The following PCDHA8 variants were observed in gnomAD, a reference collection of about 807,000 sequenced individuals.
PCDHA8 encodes the protein protocadherin alpha-8.
A neutral mutation model predicts 61.8 loss-of-function variants in PCDHA8; 53 were observed. The observed-to-expected ratio is 0.86, with a 90% confidence interval of 0.69 to 1.08. The LOEUF is 1.08. Ranked by LOEUF, PCDHA8 falls within the 50% of genes least tolerant of loss-of-function variation. PCDHA8 has a pLI of 0.00. For missense variants in PCDHA8, 1,293 were observed against 1,245.0 expected, an observed-to-expected ratio of 1.04 and a Z score of -0.58; for synonymous variants, 618 against 556.6, an observed-to-expected ratio of 1.11 and a Z score of -1.55.
chr5:141,004,806 T>C (rs1326385428), intron 3 of PCDHA8, among the ~76,000 whole-genome samples: 1 of 152,196 alleles, frequency 6.6e-6, no homozygotes, highest in Non-Finnish European at 1.5e-5. Flanking sequence ...CTGAGCTCAA[T>C]TGCAGATTTG....
At position 140,926,602 on chromosome 5, in the gene PCDHA8, C is replaced by T. The variant is rs1326525373; in HGVS notation, c.2395-52347C>T. 9 of 324,032 alleles carry T rather than the reference C, an allele frequency of 2.8e-5. No homozygotes were observed. The East Asian group carries it at 4.7e-4, about 17-fold the overall frequency. The allele number at this position is 324,032 out of a possible 1,614,324, so 20.1% of individuals were successfully genotyped here. On this transcript the variant is annotated intron_variant, in intron 1 of 3. Coordinates refer to ENST00000531613, the MANE Select transcript of PCDHA8 (RefSeq NM_018911.3). ...CCTCTCGCGCCCGGGCGGGCGGCCT[C>T]GTCTCTGCACCCCTAGGCGGCGCTG...
chr5:140,902,114 A>G (rs2069112413), intron 1 of PCDHA8, among the ~76,000 whole-genome samples: 1 of 151,286 alleles, frequency 6.6e-6, no homozygotes. Flanking sequence ...TTTTTTTAAA[A>G]CTGAGATTAT....
chr5:140,995,386 A>G (rs1156268381), intron 3 of PCDHA8, among the ~76,000 whole-genome samples: 1 of 152,202 alleles, frequency 6.6e-6, no homozygotes, highest in Non-Finnish European at 1.5e-5. Context: ...TGGGCAGGAT[A>G]AAGCGGGATG....
At chr5:140,986,618 C>T (rs782259734) in intron 3 of PCDHA8, among the ~76,000 whole-genome samples, 2 of 152,134 alleles carry the variant, frequency 1.3e-5, no homozygotes, top group African/African-American at 2.4e-5. Flanking sequence ...TCAGGCCTTA[C>T]CTAAGGCAAC....
intron 1 of PCDHA8, among the ~76,000 whole-genome samples, chr5:140,956,211 TCCTTG>T (rs2095268091): frequency 6.6e-6 from 1 of 152,198 alleles, no homozygotes; most frequent in Non-Finnish European, 1.5e-5. Flanking sequence ...AAAGAGGGCA[TCCTTG>T]TCTTGTGCTG....
chr5:140,858,539 T>A (rs62384480), intron 1 of PCDHA8: 78,694 of 1,399,008 alleles, frequency 0.056, 7,001 homozygotes, highest in Non-Finnish European at 0.065. Context: ...TTTGTCTACA[T>A]TCCATTTATG....
At chr5:140,941,196 TTTCTTC>T (rs1563183935) in intron 1 of PCDHA8, among the ~76,000 whole-genome samples, 3 of 111,280 alleles carry the variant, frequency 2.7e-5, no homozygotes, top group East Asian at 2.3e-4. Context: ...TTTTTTTTTC[TTTCTTC>T]CTTTCTTTCT....
At chr5:141,005,558 C>T (rs367751568) in intron 3 of PCDHA8, among the ~76,000 whole-genome samples, 1 of 151,122 alleles carries the variant, frequency 6.6e-6, no homozygotes, top group Non-Finnish European at 1.5e-5. Context: ...AAAAATTAGC[C>T]GGGCATGGTG....
chr5:141,001,867 A>C (rs2153971805), intron 3 of PCDHA8, among the ~76,000 whole-genome samples: 1 of 152,348 alleles, frequency 6.6e-6, no homozygotes, highest in Admixed American at 6.5e-5. Context: ...ATTGATGCCC[A>C]AAACCAAGAA....
intron 1 of PCDHA8, chr5:140,869,286 G>C: frequency 6.2e-7 from 1 of 1,613,616 alleles, no homozygotes; most frequent in Non-Finnish European, 8.5e-7. Flanking sequence ...AGCTGGTGCA[G>C]CGCCTGTTCC....
intron 1 of PCDHA8, among the ~76,000 whole-genome samples, chr5:140,919,697 A>G (rs1395748776): frequency 1.3e-5 from 2 of 152,188 alleles, no homozygotes; most frequent in Non-Finnish European, 2.9e-5. Flanking sequence ...GATTTATATT[A>G]ACTTAATTCT....
chr5:140,848,439 G>A (rs2150410405), intron 1 of PCDHA8: 1 of 1,486,148 alleles, frequency 6.7e-7, no homozygotes, highest in African/African-American at 1.4e-5. Flanking sequence ...GAAATCAGAT[G>A]ATTTCTTCTA....
intron 1 of PCDHA8, among the ~76,000 whole-genome samples, chr5:140,949,545 T>G (rs1173643616): frequency 6.6e-6 from 1 of 151,906 alleles, no homozygotes; most frequent in Non-Finnish European, 1.5e-5. Flanking sequence ...ATCGATTTGT[T>G]GCTGGTCATA....
Position 140,979,061 on chromosome 5 carries a change from A to G in PCDHA8, c.2453+54A>G, listed in dbSNP as rs374803810. 155 of 1,605,246 alleles carry G rather than the reference A, an allele frequency of 9.7e-5. No individual in the cohort carries two copies. The African/African-American group carries it at 1.8e-3, about 19-fold the overall frequency. On this transcript the variant is annotated intron_variant, in intron 2 of 3. Coordinates refer to ENST00000531613, the MANE Select transcript of PCDHA8 (RefSeq NM_018911.3). ...AAGTAACCTTAACTTGGTATGGCTC[A>G]GATAAACTGCATCTCCATAGGCCAG...
rs2150316102 is a variant in PCDHA8 at position 140,841,467 on chromosome 5, C to T, written c.146C>T (p.Ala49Val). The change falls in exon 1 of 4, where the codon GCG becomes GTG. Residue 49 changes from alanine to valine, a missense_variant. By Grantham distance (64) the Ala-to-Val change is moderately conservative. Coordinates refer to ENST00000531613, the MANE Select transcript of PCDHA8 (RefSeq NM_018911.3). Reference protein sequence around the residue: ...AKHGTFVGRIAQDLGLELAEL... With the variant: ...AKHGTFVGRIVQDLGLELAEL... Reference sequence around the variant, plus strand: ...CACGGCACCTTCGTGGGCCGGATCGCGCAGGACCTGGGGCTGGAGCTGGCG... The same window carrying T: ...CACGGCACCTTCGTGGGCCGGATCGTGCAGGACCTGGGGCTGGAGCTGGCG... The T allele has an allele frequency of 2.4e-5, 39 of 1,612,946 alleles. 1 individual carries two copies. In the South Asian group the frequency reaches 4.0e-4, roughly 16 times the overall value.
rs1472597239 is a variant in PCDHA8, at chr5:140,928,524, TG to T, written c.2395-50424del. 16 of 1,614,070 alleles carry T rather than the reference TG, an allele frequency of 9.9e-6. No individual in the cohort carries two copies. The African/African-American group carries it at 2.1e-4, about 22-fold the overall frequency. On this transcript the variant is annotated intron_variant, in intron 1 of 3. Transcript: ENST00000531613. Reference sequence around the variant, plus strand: ...GTGCAACAGTGACTATAAACTTGTTTGTGGTAGATAGGAATGACAATTATCC... The same window carrying T: ...GTGCAACAGTGACTATAAACTTGTTTTGGTAGATAGGAATGACAATTATCC...
At chr5:141,004,303 T>C (rs2098161196) in intron 3 of PCDHA8, among the ~76,000 whole-genome samples, 2 of 152,178 alleles carry the variant, frequency 1.3e-5, no homozygotes, top group South Asian at 4.1e-4. Context: ...GATGTTTGTT[T>C]TATACAACAA....
At chr5:140,962,565 C>G (rs2095693012) in intron 1 of PCDHA8, among the ~76,000 whole-genome samples, 1 of 152,130 alleles carries the variant, frequency 6.6e-6, no homozygotes, top group African/African-American at 2.4e-5. Flanking sequence ...CCCCTAAAAG[C>G]CAATTGTTAA....
chr5:140,976,776 C>T (rs1554237952), intron 1 of PCDHA8, among the ~76,000 whole-genome samples: 1 of 152,184 alleles, frequency 6.6e-6, no homozygotes. Context: ...TAGACTCTGA[C>T]TATATAGCTA....
Sources: allele counts gnomAD v4.1 joint callset (sites outside exome capture counted in the v4.1 genomes callset), GRCh38; gene constraint gnomAD v4.1.1; transcripts MANE v1.5; gene names NCBI Gene and HGNC (gene_info 2026-07-23, HGNC 2026-07-21).